Variants in SIMC1 observed in about 807,000 individuals in gnomAD.
The protein encoded by SIMC1 is SUMO interacting motifs containing 1, also known as SUMO-interacting motif-containing protein 1.
In SIMC1, 55 loss-of-function variants were observed where a neutral mutation model predicts 82.3. That is an observed-to-expected ratio of 0.67 (90% CI 0.54 to 0.84). The LOEUF is 0.84. Ranked by LOEUF, SIMC1 falls within the 40% of genes least tolerant of loss-of-function variation. The pLI, the probability that SIMC1 is intolerant of heterozygous loss-of-function variation, is 0.00. For synonymous variants in SIMC1, 353 were observed against 426.3 expected (o/e 0.83, Z 2.12); for missense variants, 915 against 1,107.2 (o/e 0.83, Z 2.46).
chr5:176,259,834 CCTAT>C (rs1444585710), intron 1 of SIMC1, among the ~76,000 whole-genome samples: 9 of 151,506 alleles, frequency 5.9e-5, no homozygotes, highest in African/African-American at 1.5e-4. Context: ...AGAACCTGCC[CCTAT>C]CTATTTCTAC....
intron 7 of SIMC1, among the ~76,000 whole-genome samples, chr5:176,325,681 G>A (rs913641558): frequency 4.6e-5 from 7 of 151,864 alleles, no homozygotes; most frequent in African/African-American, 1.2e-4. Context: ...GCGAGACTCC[G>A]TCTCAAAAAA....
chr5:176,326,849 A>T (rs183911401), intron 7 of SIMC1, among the ~76,000 whole-genome samples: 2 of 152,244 alleles, frequency 1.3e-5, no homozygotes, highest in East Asian at 3.9e-4. Context: ...ACAGGCGTAA[A>T]CCACCACACC....
intron 1 of SIMC1, among the ~76,000 whole-genome samples, chr5:176,267,733 G>GTTTTTT (rs1159766316): frequency 1.8e-4 from 5 of 27,236 alleles, no homozygotes; most frequent in Non-Finnish European, 2.2e-4. Flanking sequence ...TTTTCTTTCT[G>GTTTTTT]TTTTTTTTTT....
intron 5 of SIMC1, among the ~76,000 whole-genome samples, chr5:176,317,488 GCTT>G (rs1333028965): frequency 4.6e-5 from 7 of 152,164 alleles, no homozygotes; most frequent in Admixed American, 1.3e-4. Context: ...TTGCAGTGCT[GCTT>G]CTTGATTTTT....
chr5:176,325,106 G>A (rs1765321518), intron 7 of SIMC1, among the ~76,000 whole-genome samples: 1 of 152,158 alleles, frequency 6.6e-6, no homozygotes, highest in South Asian at 2.1e-4. Flanking sequence ...AAGGGTGGGT[G>A]CAGTGACTCG....
At position 176,324,899 on chromosome 5, in the gene SIMC1, TTAAGA is replaced by T. The variant is rs1410997026; in HGVS notation, c.2171+145_2171+149del. 46 of 985,746 alleles carry T rather than the reference TTAAGA, an allele frequency of 4.7e-5. No homozygotes were observed. The East Asian group carries it at 1.3e-3, about 27-fold the overall frequency. 61.1% of individuals were successfully genotyped at this position (985,746 alleles called of 1,614,324 possible). On this transcript the variant is annotated intron_variant, in intron 7 of 9. Coordinates refer to ENST00000429602, the MANE Select transcript of SIMC1 (RefSeq NM_001308195.2). ...TTTACAAGAGAAAATTCCAAACTAA[TTAAGA>T]TAGGAAGAAAATAGTAGAAGGATTA... is the stretch of plus-strand genomic sequence containing the variant.
chr5:176,291,297 G>A (rs905970367), intron 2 of SIMC1, among the ~76,000 whole-genome samples: 2 of 149,014 alleles, frequency 1.3e-5, no homozygotes, highest in Admixed American at 1.3e-4. Context: ...CCTAGCAGCT[G>A]GGACTACAGG....
At chr5:176,254,775 G>A (rs1173289324) in intron 1 of SIMC1, among the ~76,000 whole-genome samples, 3 of 151,978 alleles carry the variant, frequency 2.0e-5, no homozygotes, top group African/African-American at 7.3e-5. Context: ...CTGTTATAAA[G>A]AGAGAGCAAA....
chr5:176,298,017 G>C (rs980185977), intron 4 of SIMC1, among the ~76,000 whole-genome samples: 13 of 152,138 alleles, frequency 8.5e-5, no homozygotes, highest in African/African-American at 3.1e-4. Flanking sequence ...GGTAGACTAG[G>C]AAGCTCCAGG....
intron 1 of SIMC1, among the ~76,000 whole-genome samples, chr5:176,252,098 ACAC>A (rs1761679400): frequency 6.6e-6 from 1 of 152,092 alleles, no homozygotes; most frequent in Non-Finnish European, 1.5e-5. Flanking sequence ...GCTGTTGGGT[ACAC>A]CTCCCAGATG....
chr5:176,272,224 A>G (rs1397780742), intron 1 of SIMC1, among the ~76,000 whole-genome samples: 1 of 147,162 alleles, frequency 6.8e-6, no homozygotes, highest in East Asian at 2.0e-4. Context: ...ACGCACCTGC[A>G]GTCCCTGCTA....
intron 1 of SIMC1, among the ~76,000 whole-genome samples, chr5:176,263,153 A>G (rs1193179861): frequency 6.6e-6 from 1 of 152,262 alleles, no homozygotes; most frequent in Non-Finnish European, 1.5e-5. Flanking sequence ...ACATAAATGG[A>G]GAAACATTTC....
chr5:176,252,155 C>T (rs1336194060), intron 1 of SIMC1, among the ~76,000 whole-genome samples: 9 of 151,280 alleles, frequency 5.9e-5, no homozygotes, highest in South Asian at 2.1e-4. Flanking sequence ...CCAGTAGGGA[C>T]GGCCGGGCAG....
At chr5:176,264,467 C>CT (rs1400241378) in intron 1 of SIMC1, among the ~76,000 whole-genome samples, 1 of 152,244 alleles carries the variant, frequency 6.6e-6, no homozygotes, top group Non-Finnish European at 1.5e-5. Flanking sequence ...CACATGGAAG[C>CT]TGCCAGGGCC....
intron 4 of SIMC1, among the ~76,000 whole-genome samples, chr5:176,297,291 G>C (rs562404378): frequency 1.3e-5 from 2 of 151,896 alleles, no homozygotes; most frequent in African/African-American, 4.8e-5. Context: ...ACCTGAGGTC[G>C]GGAGTTTGAG....
At chr5:176,296,123 A>G in intron 3 of SIMC1, 128 bp from the exon 4 acceptor site, 1 of 1,504,608 alleles carries the variant, frequency 6.6e-7, no homozygotes, top group African/African-American at 1.4e-5. Flanking sequence ...GTATGATACC[A>G]GAAAGTGAGC....
intron 1 of SIMC1, among the ~76,000 whole-genome samples, chr5:176,267,737 T>G (rs1198052980): frequency 1.2e-5 from 1 of 85,464 alleles, no homozygotes; most frequent in African/African-American, 5.1e-5. Flanking sequence ...CTTTCTGTTT[T>G]TTTTTTTTTT....
chr5:176,279,755 T>C (rs1335162268), intron 1 of SIMC1, among the ~76,000 whole-genome samples: 3 of 151,534 alleles, frequency 2.0e-5, no homozygotes, highest in Non-Finnish European at 4.4e-5. Flanking sequence ...CAGGAGCAGG[T>C]TGTTCAGTTT....
chr5:176,271,295 A>G (rs13183806), intron 1 of SIMC1, among the ~76,000 whole-genome samples: 1 of 152,108 alleles, frequency 6.6e-6, no homozygotes, highest in African/African-American at 2.4e-5. Context: ...TGGAGGCGGA[A>G]GTTGCAGTGA....
Sources: allele counts gnomAD v4.1 joint callset (sites outside exome capture counted in the v4.1 genomes callset), GRCh38; gene constraint gnomAD v4.1.1; transcripts MANE v1.5; gene names NCBI Gene and HGNC (gene_info 2026-07-23, HGNC 2026-07-21).